MAX: variants seen among roughly 807,000 people sequenced by gnomAD.
MAX encodes MYC associated transcriptional regulator X, also known as protein max.
A neutral mutation model predicts 22.3 loss-of-function variants in MAX; 3 were observed. That is an observed-to-expected ratio of 0.13 (90% CI 0.06 to 0.35). The LOEUF is 0.35. MAX is among the 10% of genes least tolerant of loss of function. The pLI is 1.00. For missense variants in MAX, 119 were observed against 209.4 expected, an observed-to-expected ratio of 0.57 and a Z score of 2.66; for synonymous variants, 72 against 77.7, an observed-to-expected ratio of 0.93 and a Z score of 0.39.
At position 65,059,495 on chromosome 14, in the gene MAX, G is replaced by A. The variant is rs58446074; in HGVS notation, c.171+34213C>T. Among the ~76,000 whole-genome samples, 946 of 152,112 alleles carry A rather than the reference G, an allele frequency of 6.2e-3. 11 individuals carry two copies. The highest frequency in any genetic ancestry group is 0.022 in the African/African-American group (894 of 41,510). On this transcript the variant is annotated intron_variant, in intron 3 of 3. Transcript: ENST00000341653. Reference sequence around the variant, plus strand: ...TGTTGTTACTAATTTCTTCATGTAGGCCTTTAAAAATTCCTTAAGTCAATT... The same window carrying A: ...TGTTGTTACTAATTTCTTCATGTAGACCTTTAAAAATTCCTTAAGTCAATT...
chr14:65,013,650 C>T (rs185840447), intron 3 of MAX, among the ~76,000 whole-genome samples: 10 of 152,266 alleles, frequency 6.6e-5, no homozygotes, highest in African/African-American at 1.9e-4. Flanking sequence ...CAGGTTCAAG[C>T]GATTCTCTTG....
At chr14:65,074,620 A>G (rs1019054961), downstream of MAX, among the ~76,000 whole-genome samples, 3 of 152,254 alleles carry the variant, frequency 2.0e-5, no homozygotes, top group African/African-American at 7.2e-5. Context: ...AGGTCAAACA[A>G]GTTCAGGCTG....
Position 65,084,195 on chromosome 14 carries a change from T to A in MAX, c.172-6159A>T. 6.2e-7 allele frequency: 1 copy of A among 1,613,942 alleles called. No homozygotes were observed. Among genetic ancestry groups the A allele is most frequent in the Non-Finnish European group, 8.5e-7 (1 of 1,179,836 alleles). ...CAATCATTTTTTAAATCTTGCATTC[T>A]TTTTTCTTGTGCACTTGGTAGCTTG... On this transcript the variant is annotated intron_variant, in intron 3 of 4. Coordinates refer to ENST00000358664, the MANE Select transcript of MAX (RefSeq NM_002382.5). This position sits in a 1 kb window ranked among gnomAD's most constrained non-coding sequence, Gnocchi z 4.3.
At chr14:65,017,887 G>A (rs1170112684) in intron 3 of MAX, among the ~76,000 whole-genome samples, 4 of 152,034 alleles carry the variant, frequency 2.6e-5, no homozygotes, top group Admixed American at 1.3e-4. Context: ...CCTAGGAGGC[G>A]GAGGTTGCAG....
At position 65,084,312 on chromosome 14, in the gene MAX, CAT is replaced by C. The variant is rs1057244077; in HGVS notation, c.172-6278_172-6277del. On this transcript the variant is annotated intron_variant, in intron 3 of 4. Coordinates refer to ENST00000358664, the MANE Select transcript of MAX (RefSeq NM_002382.5). The surrounding 1 kb of genome is among the most constrained non-coding windows in gnomAD (Gnocchi z 4.3). ...AGAGGAAATAGAGCTAGTAAATAAA[CAT>C]GTGGAAAAGCAATTAATTTCACAAG... is the stretch of plus-strand genomic sequence containing the variant. 3 of 1,430,648 alleles carry C rather than the reference CAT, an allele frequency of 2.1e-6. No homozygotes were observed. The highest frequency in any genetic ancestry group is 2.3e-5 in the East Asian group (1 of 44,006). 88.6% of individuals were successfully genotyped at this position (1,430,648 alleles called of 1,614,324 possible).
At chr14:65,049,660 A>G (rs942611938) in intron 3 of MAX, among the ~76,000 whole-genome samples, 1 of 152,180 alleles carries the variant, frequency 6.6e-6, no homozygotes, top group African/African-American at 2.4e-5. Context: ...TCAGACTCTA[A>G]TTTTAGCCAC....
chr14:65,036,289 T>G (rs1240894474), intron 3 of MAX, among the ~76,000 whole-genome samples: 1 of 152,102 alleles, frequency 6.6e-6, no homozygotes, highest in African/African-American at 2.4e-5. Flanking sequence ...CAGGCTGGAG[T>G]GCAGTGGCGT....
chr14:65,061,122 G>GTGTTA, intron 3 of MAX: 7 of 1,598,616 alleles, frequency 4.4e-6, no homozygotes, highest in Non-Finnish European at 6.0e-6. Flanking sequence ...AGCAAAGGAT[G>GTGTTA]TGTTATGTTT....
chr14:65,006,173 T>TTTTC, downstream of MAX: 1 of 1,598,432 alleles, frequency 6.3e-7, no homozygotes, highest in Admixed American at 1.8e-5. Flanking sequence ...TTTTTTTTTT[T>TTTTC]GCCACCATTT....
rs76333352 is a variant in MAX at position 65,080,214 on chromosome 14, C to T, written c.172-2178G>A. Among the ~76,000 whole-genome samples the T allele has an allele frequency of 8.5e-3, 1,301 of 152,164 alleles. 10 individuals carry two copies. Among genetic ancestry groups the T allele is most frequent in the Non-Finnish European group, 0.015 (1,020 of 68,014 alleles). On this transcript the variant is annotated intron_variant, in intron 3 of 4. Transcript: ENST00000358664. Reference sequence around the variant, plus strand: ...CTGAAATGGTGAGCCCTGTGTTAGACCAAGGTGGCGTTTGGAATAGCACAG... The same window carrying T: ...CTGAAATGGTGAGCCCTGTGTTAGATCAAGGTGGCGTTTGGAATAGCACAG...
At chr14:65,070,485 CT>C (rs1204037545), downstream of MAX, among the ~76,000 whole-genome samples, 1 of 152,226 alleles carries the variant, frequency 6.6e-6, no homozygotes. The surrounding 1 kb of genome is among the most constrained non-coding windows in gnomAD (Gnocchi z 4.4). Context: ...TAAATGGGGC[CT>C]GGCAGTCACA....
intron 3 of MAX, among the ~76,000 whole-genome samples, chr14:65,091,374 T>C (rs746297162): frequency 6.6e-6 from 1 of 152,204 alleles, no homozygotes; most frequent in Admixed American, 6.5e-5. Context: ...GTAGGACATA[T>C]TTGGATTATA....
exon 4 of MAX, chr14:65,006,209 C>A (rs767435014): frequency 1.2e-6 from 2 of 1,610,798 alleles, no homozygotes; most frequent in African/African-American, 1.4e-5. Context: ...TCTGATTAGC[C>A]ATGGCAGAAA....
At chr14:65,036,830 G>A (rs1229101173) in intron 3 of MAX, among the ~76,000 whole-genome samples, 2 of 151,932 alleles carry the variant, frequency 1.3e-5, no homozygotes, top group African/African-American at 4.8e-5. Flanking sequence ...TAGAGACAGG[G>A]TCTCGTCATA....
Position 65,084,349 on chromosome 14 carries a change from G to T in MAX, c.172-6313C>A. On this transcript the variant is annotated intron_variant, in intron 3 of 4. Transcript: ENST00000358664. This position sits in a 1 kb window ranked among gnomAD's most constrained non-coding sequence, Gnocchi z 4.3. ...CAATTAATTTCACAAGTAATAAATA[G>T]AATACAAAATTACTAACTTTTGTTT... 8.8e-7 allele frequency: 1 copy of T among 1,139,032 alleles called. No homozygotes were observed. Among genetic ancestry groups the T allele is most frequent in the Non-Finnish European group, 1.3e-6 (1 of 755,284 alleles). The allele number at this position is 1,139,032 out of a possible 1,614,324, so 70.6% of individuals were successfully genotyped here.
intron 3 of MAX, among the ~76,000 whole-genome samples, chr14:65,060,942 G>GTT (rs527358346): frequency 2.1e-5 from 3 of 143,384 alleles, no homozygotes; most frequent in Non-Finnish European, 3.0e-5. Context: ...ATAATATGTT[G>GTT]TAAGTATTTG....
In MAX at chr14:65,030,404, C is replaced by G. The variant is rs1036363703; in HGVS notation, c.172-24120G>C. Reference sequence around the variant, plus strand: ...TTCTGCAGAGACTTCTTTGGAATACCTCAGTAAGTCTGACTTCATGTTATA... The same window carrying G: ...TTCTGCAGAGACTTCTTTGGAATACGTCAGTAAGTCTGACTTCATGTTATA... On this transcript the variant is annotated intron_variant, in intron 3 of 3. Coordinates refer to the MAX transcript ENST00000341653. The surrounding 1 kb of genome is among the most constrained non-coding windows in gnomAD (Gnocchi z 4.5). Among the ~76,000 whole-genome samples the G allele has an allele frequency of 9.9e-5, 15 of 152,130 alleles. No homozygotes were observed. Among genetic ancestry groups the G allele is most frequent in the Admixed American group, 2.0e-4 (3 of 15,268 alleles).
At chr14:65,020,882 C>T (rs922159834) in intron 3 of MAX, among the ~76,000 whole-genome samples, 2 of 151,998 alleles carry the variant, frequency 1.3e-5, no homozygotes, top group African/African-American at 4.8e-5. Flanking sequence ...CAGGGGTGTG[C>T]CACCACGCCC....
intron 3 of MAX, among the ~76,000 whole-genome samples, chr14:65,006,482 T>C (rs1023045671): frequency 1.2e-4 from 19 of 152,222 alleles, no homozygotes; most frequent in African/African-American, 4.3e-4. Context: ...TTAAATGTAA[T>C]GGTATCCTTG....
Sources: allele counts gnomAD v4.1 joint callset (sites outside exome capture counted in the v4.1 genomes callset), GRCh38; gene constraint gnomAD v4.1.1; non-coding constraint Gnocchi (gnomAD v3.1); transcripts MANE v1.5; gene names NCBI Gene and HGNC (gene_info 2026-07-23, HGNC 2026-07-21).